HECW2: variants seen among roughly 807,000 people sequenced by gnomAD.
HECW2 encodes HECT, C2 and WW domain containing E3 ubiquitin protein ligase 2.
A neutral mutation model predicts 175.2 loss-of-function variants in HECW2; 61 were observed. That is an observed-to-expected ratio of 0.35 (90% confidence interval 0.28 to 0.43). The LOEUF (loss-of-function observed/expected upper bound fraction) is 0.43, where lower values mean the gene tolerates loss of function less well. HECW2 is among the 20% of genes least tolerant of loss of function. HECW2 has a pLI of 1.00. For synonymous variants in HECW2, 671 were observed against 731.0 expected, an observed-to-expected ratio of 0.92 and a Z score of 1.32; for missense variants, 1,524 against 2,000.5, an observed-to-expected ratio of 0.76 and a Z score of 4.54.
chr2:196,463,792 G>A (rs965773681), intron 1 of HECW2, among the ~76,000 whole-genome samples: 11 of 152,146 alleles, frequency 7.2e-5, no homozygotes, highest in Non-Finnish European at 2.9e-5. Flanking sequence ...GTGGCAGCCT[G>A]TACAGTGATC....
chr2:196,558,995 A>T (rs577790518), intron 1 of HECW2, among the ~76,000 whole-genome samples: 2 of 152,180 alleles, frequency 1.3e-5, no homozygotes, highest in African/African-American at 4.8e-5. Flanking sequence ...ACATCATCTC[A>T]TTAGAGTCTC....
intron 1 of HECW2, among the ~76,000 whole-genome samples, chr2:196,509,897 G>C (rs982800572): frequency 2.0e-5 from 3 of 152,196 alleles, no homozygotes. Flanking sequence ...GCATAAGTGA[G>C]CTAAAAGACA....
chr2:196,361,694 G>T, intron 2 of HECW2: 1 of 585,294 alleles, frequency 1.7e-6, no homozygotes, highest in Non-Finnish European at 2.2e-6. Flanking sequence ...AGCTGGGAGG[G>T]GACCACTTTT....
At chr2:196,276,486 A>T (rs1200419886) in intron 15 of HECW2, among the ~76,000 whole-genome samples, 2 of 152,212 alleles carry the variant, frequency 1.3e-5, no homozygotes, top group African/African-American at 4.8e-5. Context: ...AATAGTCCTA[A>T]CTAGACCAAA....
chr2:196,380,762 T>C (rs1015836114), intron 2 of HECW2, among the ~76,000 whole-genome samples: 1 of 152,186 alleles, frequency 6.6e-6, no homozygotes, highest in Admixed American at 6.5e-5. Flanking sequence ...ACTACCATGG[T>C]TGCAGAGCTT....
chr2:196,421,078 A>G (rs1695395498), intron 2 of HECW2, among the ~76,000 whole-genome samples: 1 of 152,158 alleles, frequency 6.6e-6, no homozygotes, highest in African/African-American at 2.4e-5. Flanking sequence ...AGAATGTTTA[A>G]ATTCCAAGCA....
intron 1 of HECW2, among the ~76,000 whole-genome samples, chr2:196,472,946 G>A (rs1343486877): frequency 6.6e-6 from 1 of 152,150 alleles, no homozygotes. Context: ...TAAGGTGGTG[G>A]ATTAAAACAT....
intron 19 of HECW2, among the ~76,000 whole-genome samples, chr2:196,243,017 C>T (rs1688517184): frequency 1.3e-5 from 2 of 152,052 alleles, no homozygotes; most frequent in Admixed American, 1.3e-4. Context: ...TAGATATGCA[C>T]TATCACCAAG....
At chr2:196,349,520 C>CGT (rs59562899) in intron 2 of HECW2, among the ~76,000 whole-genome samples, 1,860 of 150,794 alleles carry the variant, frequency 0.012, 28 homozygotes, top group African/African-American at 0.035. Flanking sequence ...AAAAGTGAAA[C>CGT]GTGTGTGTGT....
intron 2 of HECW2, among the ~76,000 whole-genome samples, chr2:196,407,062 A>T (rs1167398231): frequency 3.3e-5 from 5 of 152,196 alleles, no homozygotes; most frequent in African/African-American, 1.2e-4. Flanking sequence ...GTCTAGCGCC[A>T]AGTGGATGCT....
At chr2:196,270,984 G>A (rs113012550) in intron 17 of HECW2, among the ~76,000 whole-genome samples, 6 of 151,730 alleles carry the variant, frequency 4.0e-5, no homozygotes, top group South Asian at 2.1e-4. Flanking sequence ...GTGAGTCGCC[G>A]TGCCCGGCCG....
chr2:196,288,281 C>T (rs913782671), intron 14 of HECW2: 2 of 152,158 alleles, frequency 1.3e-5, no homozygotes, highest in African/African-American at 4.8e-5. Context: ...AGAATACAAC[C>T]ACCAGAGCAG....
intron 1 of HECW2, among the ~76,000 whole-genome samples, chr2:196,548,944 C>G (rs1689517656): frequency 6.6e-6 from 1 of 152,142 alleles, no homozygotes; most frequent in African/African-American, 2.4e-5. Flanking sequence ...CCCTAATGAC[C>G]TCCTTTTAGC....
intron 1 of HECW2, among the ~76,000 whole-genome samples, chr2:196,534,912 C>T (rs1040040066): frequency 3.9e-5 from 6 of 152,176 alleles, no homozygotes; most frequent in South Asian, 2.1e-4. Flanking sequence ...TAGTTCTCCA[C>T]ATCTTAATGG....
chr2:196,374,072 C>G lies in HECW2; in HGVS notation c.293-30308G>C, dbSNP rs1693984122. Among the ~76,000 whole-genome samples, 3 of 151,402 alleles carry G rather than the reference C, an allele frequency of 2.0e-5. No individual in the cohort carries two copies. In the South Asian group the frequency reaches 6.3e-4, roughly 32 times the overall value. ...AAATAAATAAATAAATAAATATGTG[C>G]CACCAAAGATTATATAAATTCAACG... On this transcript the variant is annotated intron_variant, in intron 2 of 28. Coordinates refer to ENST00000644978, the MANE Select transcript of HECW2 (RefSeq NM_001348768.2).
At chr2:196,457,435 A>G (rs1444243615) in intron 1 of HECW2, among the ~76,000 whole-genome samples, 1 of 152,210 alleles carries the variant, frequency 6.6e-6, no homozygotes, top group Non-Finnish European at 1.5e-5. Context: ...CTATACTCCA[A>G]GCATGTTGTT....
intron 2 of HECW2, among the ~76,000 whole-genome samples, chr2:196,360,666 A>T (rs1366967426): frequency 2.0e-5 from 3 of 152,150 alleles, no homozygotes; most frequent in Admixed American, 1.3e-4. Context: ...CTACCTAACA[A>T]ACCTGCATAT....
intron 4 of HECW2, among the ~76,000 whole-genome samples, chr2:196,331,502 C>A (rs916845375): frequency 1.3e-4 from 20 of 152,198 alleles, no homozygotes; most frequent in Admixed American, 1.0e-3. Flanking sequence ...AGATGTGCCA[C>A]CCCTCAAAAC....
chr2:196,247,092 C>T (rs13401133), intron 19 of HECW2, among the ~76,000 whole-genome samples: 3 of 151,878 alleles, frequency 2.0e-5, no homozygotes, highest in Admixed American at 2.0e-4. Flanking sequence ...GAAACCCCGT[C>T]TCTACTAAAA....
Sources: allele counts gnomAD v4.1 joint callset (sites outside exome capture counted in the v4.1 genomes callset), GRCh38; gene constraint gnomAD v4.1.1; transcripts MANE v1.5; gene names NCBI Gene and HGNC (gene_info 2026-07-23, HGNC 2026-07-21).